Variants in RUNX2 observed in about 807,000 individuals in gnomAD.
RUNX2 encodes the protein runt-related transcription factor 2.
In RUNX2, 10 loss-of-function variants were observed where a neutral mutation model predicts 51.7. The ratio of observed to expected loss-of-function variants is 0.19; its 90% CI spans 0.12 to 0.33. The LOEUF is 0.33. Ranked by LOEUF, RUNX2 falls within the 10% of genes least tolerant of loss-of-function variation. The pLI is 1.00. For synonymous variants in RUNX2, 276 were observed against 273.6 expected (o/e 1.01, Z -0.09); for missense variants, 562 against 691.3 (o/e 0.81, Z 2.10).
intron 7 of RUNX2, among the ~76,000 whole-genome samples, chr6:45,524,766 G>A (rs1801618523): frequency 6.6e-6 from 1 of 152,178 alleles, no homozygotes; most frequent in Non-Finnish European, 1.5e-5. Context: ...AAACAAACTT[G>A]TAAGCTCCCA....
intron 2 of RUNX2, among the ~76,000 whole-genome samples, chr6:45,403,225 G>GTTTCTT (rs1797755486): frequency 7.5e-6 from 1 of 134,014 alleles, no homozygotes; most frequent in Admixed American, 7.7e-5. Flanking sequence ...AATTGTTTGA[G>GTTTCTT]TTTCTTTTTT....
chr6:45,437,901 CTG>C (rs1798730234), intron 4 of RUNX2, 44 bp from the exon 5 acceptor site: 1 of 1,359,104 alleles, frequency 7.4e-7, no homozygotes, highest in Non-Finnish European at 1.1e-6. Context: ...ATCATCAACA[CTG>C]TTTTTTAATA....
At position 45,407,043 on chromosome 6, in the gene RUNX2, G is replaced by C. The variant is rs141531341; in HGVS notation, c.59-15550G>C. Among the ~76,000 whole-genome samples the C allele has an allele frequency of 1.4e-3, 206 of 152,264 alleles. 2 individuals are homozygous for C. Among genetic ancestry groups the C allele is most frequent in the Non-Finnish European group, 2.5e-3 (168 of 68,010 alleles). ...ACATTATCCTTACCTGTAAAACCCT[G>C]ATCTGATCTCTGAACCAATTCAGAG... On this transcript the variant is annotated intron_variant, in intron 2 of 8. Transcript: ENST00000647337.
intron 2 of RUNX2, among the ~76,000 whole-genome samples, chr6:45,389,327 C>T (rs924165029): frequency 7.9e-5 from 12 of 152,180 alleles, no homozygotes; most frequent in African/African-American, 2.4e-4. Context: ...ACTACTTTCA[C>T]GATCTGGGAG....
chr6:45,472,651 T>A (rs1799838659), intron 5 of RUNX2, among the ~76,000 whole-genome samples: 1 of 152,238 alleles, frequency 6.6e-6, no homozygotes, highest in Non-Finnish European at 1.5e-5. Context: ...TGTATCTGGT[T>A]CCTGCTCTGA....
chr6:45,547,916 T>C lies in RUNX2; in HGVS notation c.*611T>C, dbSNP rs1317883602. 6.5e-6 allele frequency: 1 copy of C among 153,328 alleles called. No homozygotes were observed. Among genetic ancestry groups the C allele is most frequent in the African/African-American group, 2.4e-5 (1 of 41,080 alleles). 9.5% of individuals were successfully genotyped at this position (153,328 alleles called of 1,614,324 possible). On this transcript the variant is annotated 3_prime_UTR_variant, in exon 9 of 9. Transcript: ENST00000647337. ...GGTTCGTTTTTTTTTTTTTTTTTCC[T>C]GCTCCAAGAAAGTGACTTCAAAAAT...
chr6:45,539,213 T>G lies in RUNX2; in HGVS notation c.1022-6004T>G, dbSNP rs187391556. ...CTGAATTTTCTGAAAATTGCCAGGT[T>G]TTTTTTTCTCTCTCTCTCTCTCTTT... On this transcript the variant is annotated intron_variant, in intron 7 of 8. Coordinates refer to ENST00000647337, the MANE Select transcript of RUNX2 (RefSeq NM_001024630.4). Among the ~76,000 whole-genome samples, 92 of 151,660 alleles carry G rather than the reference T, an allele frequency of 6.1e-4. 1 individual carries two copies. In the East Asian group the frequency reaches 0.016, roughly 26 times the overall value.
intron 2 of RUNX2, among the ~76,000 whole-genome samples, chr6:45,361,096 C>A (rs1453264248): frequency 2.0e-5 from 3 of 151,958 alleles, no homozygotes; most frequent in East Asian, 3.9e-4. Flanking sequence ...ACATAGAGAC[C>A]CCATCTCAAA....
chr6:45,415,043 T>C (rs563966247), intron 2 of RUNX2, among the ~76,000 whole-genome samples: 1 of 152,144 alleles, frequency 6.6e-6, no homozygotes, highest in South Asian at 2.1e-4. Flanking sequence ...TTAATAGATG[T>C]GATATGGTGT....
At chr6:45,373,858 C>CA (rs1796425945) in intron 2 of RUNX2, among the ~76,000 whole-genome samples, 1 of 152,084 alleles carries the variant, frequency 6.6e-6, no homozygotes, top group African/African-American at 2.4e-5. Context: ...CAGCCTGTGA[C>CA]TTACAATATT....
rs570067749 is a variant in RUNX2, at chr6:45,520,717, T to C, written c.1021+8310T>C. On this transcript the variant is annotated intron_variant, in intron 7 of 8. Coordinates refer to ENST00000647337, the MANE Select transcript of RUNX2 (RefSeq NM_001024630.4). ...GTACTTTGGACACACCTCTAATGTG[T>C]ACATATCTTTCTTTTTTTTTTGAGA... Among the ~76,000 whole-genome samples the C allele has an allele frequency of 1.3e-4, 20 of 152,282 alleles. 1 individual carries two copies. In the South Asian group the frequency reaches 4.1e-3, roughly 32 times the overall value.
intron 3 of RUNX2, 39 bp from the exon 4 acceptor site, chr6:45,431,805 CTGTTTGTAAGCCTTTCTGA>C (rs1798549711): frequency 4.5e-6 from 7 of 1,572,488 alleles, no homozygotes; most frequent in Middle Eastern, 1.8e-4. Flanking sequence ...AGAATATATT[CTGTTTGTAAGCCTTTCTGA>C]TGTGCCATTA....
At position 45,430,517 on chromosome 6, in the gene RUNX2, C is replaced by G. The variant is rs573486808; in HGVS notation, c.424-1346C>G. On this transcript the variant is annotated intron_variant, in intron 3 of 8. Transcript: ENST00000647337. Reference sequence around the variant, plus strand: ...GCTGGAGGAGAGGACATAGTGAAGGCGTGTTGCAGTAGGGTTCATGGATGG... The same window carrying G: ...GCTGGAGGAGAGGACATAGTGAAGGGGTGTTGCAGTAGGGTTCATGGATGG... 2.0e-4 allele frequency among the ~76,000 whole-genome samples: 30 copies of G among 152,148 alleles called. No homozygotes were observed. The South Asian group carries it at 3.5e-3, about 18-fold the overall frequency.
intron 2 of RUNX2, among the ~76,000 whole-genome samples, chr6:45,387,966 T>G (rs1028262989): frequency 5.3e-5 from 8 of 152,152 alleles, no homozygotes; most frequent in African/African-American, 1.9e-4. Context: ...TCCCAAGAAA[T>G]TGGCCTGTGA....
chr6:45,385,209 A>C (rs1038705863), intron 2 of RUNX2, among the ~76,000 whole-genome samples: 1 of 152,168 alleles, frequency 6.6e-6, no homozygotes, highest in African/African-American at 2.4e-5. Flanking sequence ...CAAAGGTACT[A>C]TGATAATATG....
intron 2 of RUNX2, among the ~76,000 whole-genome samples, chr6:45,381,193 G>T (rs1158706707): frequency 6.6e-6 from 1 of 152,138 alleles, no homozygotes; most frequent in Non-Finnish European, 1.5e-5. Flanking sequence ...AGAGCAAGTT[G>T]TTCTGACCAA....
intron 2 of RUNX2, among the ~76,000 whole-genome samples, chr6:45,381,041 A>T (rs1451130452): frequency 6.6e-6 from 1 of 152,094 alleles, no homozygotes; most frequent in African/African-American, 2.4e-5. Context: ...TCTATTTTTA[A>T]TGCTTAAGTT....
intron 2 of RUNX2, chr6:45,365,370 A>G: frequency 9.3e-7 from 1 of 1,070,682 alleles, no homozygotes; most frequent in Non-Finnish European, 1.4e-6. Flanking sequence ...AAAAAAAGAA[A>G]GCAAATATAA....
At chr6:45,423,168 T>A (rs1239631182) in intron 3 of RUNX2, among the ~76,000 whole-genome samples, 1 of 151,950 alleles carries the variant, frequency 6.6e-6, no homozygotes, top group African/African-American at 2.4e-5. Context: ...CTCTCCCACC[T>A]GTGCCCGCTG....
Sources: allele counts gnomAD v4.1 joint callset (sites outside exome capture counted in the v4.1 genomes callset), GRCh38; gene constraint gnomAD v4.1.1; transcripts MANE v1.5; gene names NCBI Gene and HGNC (gene_info 2026-07-23, HGNC 2026-07-21).